Variants in ERBB2 observed in about 807,000 individuals in gnomAD.
ERBB2 encodes the protein receptor tyrosine-protein kinase erbB-2.
In ERBB2, 61 loss-of-function variants were observed where a neutral mutation model predicts 149.0. The observed-to-expected ratio is 0.41, with a 90% CI of 0.33 to 0.51. The LOEUF (loss-of-function observed/expected upper bound fraction) is 0.51, where lower values mean the gene tolerates loss of function less well. Ranked by LOEUF, ERBB2 falls within the 20% of genes least tolerant of loss-of-function variation. The pLI is 0.25. For missense variants in ERBB2, 1,205 were observed against 1,655.1 expected, an observed-to-expected ratio of 0.73 and a Z score of 4.72; for synonymous variants, 633 against 678.8, an observed-to-expected ratio of 0.93 and a Z score of 1.05.
chr17:39,699,666 A>T, upstream of ERBB2: 3 of 938,228 alleles, frequency 3.2e-6, no homozygotes, highest in Non-Finnish European at 5.0e-6. Context: ...TGATATTAAA[A>T]CAAATAGGCT....
Position 39,727,581 on chromosome 17 carries a change from G to T in ERBB2, c.3412+34G>T, listed in dbSNP as rs764386534. The T allele has an allele frequency of 6.3e-7, 1 of 1,583,002 alleles. No individual in the cohort carries two copies. The highest frequency in any genetic ancestry group is 1.4e-5 in the African/African-American group (1 of 72,810). On this transcript the variant is annotated intron_variant, in intron 26 of 26. Coordinates refer to ENST00000269571, the MANE Select transcript of ERBB2 (RefSeq NM_004448.4). This position sits in a 1 kb window ranked among gnomAD's most constrained non-coding sequence, Gnocchi z 4.3. ...TCCAGTCTAAGCAGAGAGACTGATG[G>T]GCAGGGGAGGTGGGACCTTCAGCCC...
At chr17:39,689,683 A>G (rs1397778180) in intron 2 of ERBB2, among the ~76,000 whole-genome samples, 1 of 152,168 alleles carries the variant, frequency 6.6e-6, no homozygotes, top group East Asian at 1.9e-4. Context: ...AGGCGGACGG[A>G]TCACCTGAGG....
chr17:39,708,156 TA>T (rs1435941080), intron 2 of ERBB2, 164 bp from the exon 3 acceptor site: 14 of 574,016 alleles, frequency 2.4e-5, no homozygotes, highest in Non-Finnish European at 4.0e-5. Context: ...TGAGGCAAGG[TA>T]GGGCGTGATC....
At position 39,727,067 on chromosome 17, in the gene ERBB2, G is replaced by T. The variant is rs2143201794; in HGVS notation, c.3159+64G>T. On this transcript the variant is annotated intron_variant, in intron 25 of 26. Transcript: ENST00000269571. This position sits in a 1 kb window ranked among gnomAD's most constrained non-coding sequence, Gnocchi z 4.3. ...CCTCCCCCAACCCCGGTGGACTAGGGTCCCTTTCTCTGATGTTCCCTCAAC... is the reference window on the plus strand; with the variant it reads ...CCTCCCCCAACCCCGGTGGACTAGGTTCCCTTTCTCTGATGTTCCCTCAAC... The T allele has an allele frequency of 6.9e-7, 1 of 1,446,026 alleles. No homozygotes were observed. The allele number at this position is 1,446,026 out of a possible 1,614,324, so 89.6% of individuals were successfully genotyped here.
intron 7 of ERBB2, among the ~76,000 whole-genome samples, chr17:39,710,883 A>G (rs1373325124): frequency 6.6e-6 from 1 of 152,212 alleles, no homozygotes; most frequent in Non-Finnish European, 1.5e-5. Context: ...GTTAGCTTTT[A>G]TTCTATAGCC....
At chr17:39,700,694 C>G (rs1446071692) in intron 1 of ERBB2, among the ~76,000 whole-genome samples, 3 of 152,212 alleles carry the variant, frequency 2.0e-5, no homozygotes, top group Non-Finnish European at 4.4e-5. Context: ...AGTTGGCAGC[C>G]TCCGCCTCCG....
upstream of ERBB2, among the ~76,000 whole-genome samples, chr17:39,690,431 A>T (rs768790220): frequency 6.6e-6 from 1 of 152,174 alleles, no homozygotes; most frequent in Non-Finnish European, 1.5e-5. Context: ...AGAACTAACA[A>T]TGGAAATTTG....
In ERBB2 at chr17:39,723,102, C is replaced by G. The variant is rs902157684; in HGVS notation, c.1947-217C>G. ...CAAGAGTATAGAGAATCTGGAGATGCGGAGAGGGTTCTGATTGCCTACAAG... is the reference window on the plus strand; with the variant it reads ...CAAGAGTATAGAGAATCTGGAGATGGGGAGAGGGTTCTGATTGCCTACAAG... On this transcript the variant is annotated intron_variant, in intron 16 of 26. Transcript: ENST00000269571. This position sits in a 1 kb window ranked among gnomAD's most constrained non-coding sequence, Gnocchi z 6.2. Among the ~76,000 whole-genome samples, 1 of 152,124 alleles carries G rather than the reference C, an allele frequency of 6.6e-6. No individual in the cohort carries two copies. The highest frequency in any genetic ancestry group is 6.6e-5 in the Admixed American group (1 of 15,258).
Position 39,700,125 on chromosome 17 carries a change from CG to C in ERBB2, c.-110del. On this transcript the variant is annotated 5_prime_UTR_variant, in exon 1 of 27. Coordinates refer to ENST00000269571, the MANE Select transcript of ERBB2 (RefSeq NM_004448.4). ...CCGGGCAGCCGCGCGCCCCTTCCCA[CG>C]GGGCCCTTTACTGCGCCGCGCGCCC... 7.7e-7 allele frequency: 1 copy of C among 1,297,614 alleles called. No individual in the cohort carries two copies. Among genetic ancestry groups the C allele is most frequent in the Non-Finnish European group, 9.7e-7 (1 of 1,027,414 alleles). The allele number at this position is 1,297,614 out of a possible 1,614,324, so 80.4% of individuals were successfully genotyped here. A position where few individuals can be genotyped will look rare whatever the true frequency, so the allele number is the denominator to read the frequency against.
chr17:39,717,349 C>T lies in ERBB2; in HGVS notation c.1767C>T (p.His589=), dbSNP rs975924705. 1.5e-5 allele frequency: 24 copies of T among 1,612,416 alleles called. No individual in the cohort carries two copies. The highest frequency in any genetic ancestry group is 1.8e-5 in the Non-Finnish European group (21 of 1,179,976). Reference sequence around the variant, plus strand: ...CTGACCAGTGTGTGGCCTGTGCCCACTATAAGGACCCTCCCTTCTGCGTGG... The same window carrying T: ...CTGACCAGTGTGTGGCCTGTGCCCATTATAAGGACCCTCCCTTCTGCGTGG... ...PEADQCVACA[H]YKDPPFCVAR... The change falls in exon 15 of 27, where the codon CAC becomes CAT. Residue 589 remains histidine (H), a synonymous_variant. Coordinates refer to ENST00000269571, the MANE Select transcript of ERBB2 (RefSeq NM_004448.4).
Position 39,716,618 on chromosome 17 carries a change from C to G in ERBB2, c.1737+13C>G, listed in dbSNP as rs376633835. On this transcript the variant is annotated intron_variant, in intron 14 of 26. Transcript: ENST00000269571. ...CTGTTTTGGACCGGTGAGCTGCTGG[C>G]GGGCTCAGAGCTGGGTGGAGGGGGG... 1 of 1,612,564 alleles carries G rather than the reference C, an allele frequency of 6.2e-7. No homozygotes were observed. Among genetic ancestry groups the G allele is most frequent in the Non-Finnish European group, 8.5e-7 (1 of 1,179,076 alleles).
chr17:39,703,798 A>G (rs1201070511), intron 1 of ERBB2, among the ~76,000 whole-genome samples: 1 of 152,242 alleles, frequency 6.6e-6, no homozygotes, highest in African/African-American at 2.4e-5. Context: ...TGGTCGGGGA[A>G]TCCCAGTGTC....
chr17:39,706,462 C>A (rs981159547), intron 1 of ERBB2, among the ~76,000 whole-genome samples: 1 of 152,202 alleles, frequency 6.6e-6, no homozygotes, highest in Non-Finnish European at 1.5e-5. Context: ...CTCCAGCTGA[C>A]CCTCCTTCCC....
At chr17:39,694,311 A>ATATG (rs1360775569), upstream of ERBB2, among the ~76,000 whole-genome samples, 1 of 128,590 alleles carries the variant, frequency 7.8e-6, no homozygotes, top group African/African-American at 2.9e-5. Context: ...GTGTATATAT[A>ATATG]TATACACACA....
At position 39,710,132 on chromosome 17, in the gene ERBB2, A is replaced by G. The variant is rs1247615867; in HGVS notation, c.690A>G (p.Pro230=). ...GTGGCTGTGCCCGCTGCAAGGGGCCACTGCCCACTGACTGCTGCCATGAGC... is the reference window on the plus strand; with the variant it reads ...GTGGCTGTGCCCGCTGCAAGGGGCCGCTGCCCACTGACTGCTGCCATGAGC... ...CAGGCARCKG[P]LPTDCCHEQC... Residue 230 remains proline, a synonymous_variant, in exon 6 of 27, where the codon CCA becomes CCG. Transcript: ENST00000269571. The G allele has an allele frequency of 6.2e-7, 1 of 1,611,608 alleles. No individual in the cohort carries two copies. The highest frequency in any genetic ancestry group is 8.5e-7 in the Non-Finnish European group (1 of 1,179,720).
chr17:39,727,163 T>C lies in ERBB2; in HGVS notation c.3160-132T>C. On this transcript the variant is annotated intron_variant, in intron 25 of 26. Transcript: ENST00000269571. This position sits in a 1 kb window ranked among gnomAD's most constrained non-coding sequence, Gnocchi z 4.3. ...CTGCCTTCCAACCCCTGTGACCCCA[T>C]TCTCTCCACGGTGACTGTGTCATAC... 7.8e-7 allele frequency: 1 copy of C among 1,277,672 alleles called. No homozygotes were observed. Among genetic ancestry groups the C allele is most frequent in the African/African-American group, 1.5e-5 (1 of 66,786 alleles). 79.1% of individuals were successfully genotyped at this position (1,277,672 alleles called of 1,614,324 possible). A position where few individuals can be genotyped will look rare whatever the true frequency, so the allele number is the denominator to read the frequency against.
At chr17:39,721,261 C>CTTTTTTT (rs33957748) in intron 16 of ERBB2, among the ~76,000 whole-genome samples, 3 of 82,948 alleles carry the variant, frequency 3.6e-5, no homozygotes, top group East Asian at 3.1e-4. Flanking sequence ...TGAGCCAAGT[C>CTTTTTTT]TTTTTTTTTT....
intron 9 of ERBB2, among the ~76,000 whole-genome samples, chr17:39,713,483 G>C (rs2058934666): frequency 6.6e-6 from 1 of 150,544 alleles, no homozygotes; most frequent in African/African-American, 2.4e-5. Context: ...AGGCACGGTG[G>C]CTCACGCCTG....
chr17:39,725,517 G>A lies in ERBB2; in HGVS notation c.2725+115G>A, dbSNP rs2059705210. 4.0e-6 allele frequency: 5 copies of A among 1,260,798 alleles called. No individual in the cohort carries two copies. Among genetic ancestry groups the A allele is most frequent in the Admixed American group, 1.9e-5 (1 of 52,000 alleles). 78.1% of individuals were successfully genotyped at this position (1,260,798 alleles called of 1,614,324 possible). On this transcript the variant is annotated intron_variant, in intron 22 of 26. Transcript: ENST00000269571. The surrounding 1 kb of genome is among the most constrained non-coding windows in gnomAD (Gnocchi z 4.6). ...CTCAGCATGTGAAGGGAGGGAAGGG[G>A]CTGCCTGTGCCCCACCTTGCAGGGT...
Sources: gnomAD v4.1 joint callset for allele counts (sites outside exome capture counted in the v4.1 genomes callset) on GRCh38, gnomAD v4.1.1 for gene constraint, Gnocchi (gnomAD v3.1) non-coding constraint, MANE v1.5 for transcripts, NCBI Gene and HGNC (gene_info 2026-07-23, HGNC 2026-07-21) for gene names.